Variants in CSRNP3 observed in about 807,000 individuals in gnomAD.
CSRNP3 encodes the protein cysteine/serine-rich nuclear protein 3.
Under a neutral mutation model 48.0 loss-of-function variants are expected in CSRNP3, and 12 were observed. The ratio of observed to expected loss-of-function variants is 0.25; its 90% CI spans 0.16 to 0.41. CSRNP3 has a LOEUF of 0.41. CSRNP3 is among the 10% of genes least tolerant of loss of function. The pLI is 1.00. For synonymous variants in CSRNP3, 263 were observed against 269.7 expected, an observed-to-expected ratio of 0.98 and a Z score of 0.24; for missense variants, 580 against 724.4, an observed-to-expected ratio of 0.80 and a Z score of 2.29.
intron 4 of CSRNP3, among the ~76,000 whole-genome samples, chr2:165,639,590 A>G (rs1266423205): frequency 6.6e-6 from 1 of 152,192 alleles, no homozygotes; most frequent in African/African-American, 2.4e-5. Flanking sequence ...TGAAATATAC[A>G]CAGGAGTTGC....
At chr2:165,637,395 T>C (rs1006375177) in intron 4 of CSRNP3, among the ~76,000 whole-genome samples, 2 of 152,226 alleles carry the variant, frequency 1.3e-5, no homozygotes, top group Admixed American at 6.5e-5. Flanking sequence ...AACAGATTAA[T>C]TGTATACCTG....
chr2:165,665,775 AAGAGAGAGAG>A (rs10645178), intron 5 of CSRNP3, among the ~76,000 whole-genome samples: 8 of 131,196 alleles, frequency 6.1e-5, no homozygotes, highest in Non-Finnish European at 1.3e-4. Flanking sequence ...AAAAGAAAGA[AAGAGAGAGAG>A]AGAGAGAGAG....
intron 6 of CSRNP3, among the ~76,000 whole-genome samples, chr2:165,677,324 T>C (rs1490815972): frequency 6.6e-6 from 1 of 152,186 alleles, no homozygotes; most frequent in Admixed American, 6.5e-5. Flanking sequence ...ACAGAGCCCA[T>C]ATGGCCCACA....
intron 3 of CSRNP3, among the ~76,000 whole-genome samples, chr2:165,538,970 T>C (rs1050717463): frequency 2.6e-5 from 4 of 151,954 alleles, no homozygotes; most frequent in Non-Finnish European, 4.4e-5. Context: ...GGAAAAGAAA[T>C]ACTCCTAACG....
intron 4 of CSRNP3, among the ~76,000 whole-genome samples, chr2:165,645,170 C>A (rs1199308664): frequency 1.3e-5 from 2 of 152,022 alleles, no homozygotes; most frequent in African/African-American, 4.8e-5. Flanking sequence ...CCCGTCAATA[C>A]TAAAAATATA....
intron 4 of CSRNP3, among the ~76,000 whole-genome samples, chr2:165,612,522 C>A (rs1686155774): frequency 6.6e-6 from 1 of 151,904 alleles, no homozygotes; most frequent in Non-Finnish European, 1.5e-5. Flanking sequence ...GAATTTATTT[C>A]TCCCATCTAG....
At chr2:165,634,420 G>T (rs975434099) in intron 4 of CSRNP3, among the ~76,000 whole-genome samples, 1 of 152,184 alleles carries the variant, frequency 6.6e-6, no homozygotes, top group Non-Finnish European at 1.5e-5. Context: ...TGTTCTGTCT[G>T]CCAGGAAATA....
At chr2:165,585,524 T>A (rs1685613591) in intron 3 of CSRNP3, among the ~76,000 whole-genome samples, 1 of 152,146 alleles carries the variant, frequency 6.6e-6, no homozygotes, top group Non-Finnish European at 1.5e-5. Context: ...AAGAAAAGCT[T>A]TTCCTATGCA....
chr2:165,637,954 GCC>G (rs1686659705), intron 4 of CSRNP3, among the ~76,000 whole-genome samples: 1 of 151,802 alleles, frequency 6.6e-6, no homozygotes, highest in Non-Finnish European at 1.5e-5. Context: ...CTTTTTTAAT[GCC>G]CCTTTTTCAC....
At chr2:165,544,429 A>G (rs973642517) in intron 3 of CSRNP3, among the ~76,000 whole-genome samples, 1 of 152,106 alleles carries the variant, frequency 6.6e-6, no homozygotes, top group Non-Finnish European at 1.5e-5. Flanking sequence ...CTCTGATTAA[A>G]AGGGAGAACC....
At chr2:165,580,150 G>T (rs1385899411) in intron 3 of CSRNP3, among the ~76,000 whole-genome samples, 1 of 151,868 alleles carries the variant, frequency 6.6e-6, no homozygotes, top group South Asian at 2.1e-4. Flanking sequence ...GGATGGTCTC[G>T]ATCTCCTGAC....
Position 165,689,048 on chromosome 2 carries a change from A to G in CSRNP3, c.*9295A>G, listed in dbSNP as rs1448505535. ...TCATGTTGTATGTCACACAGTTTCT[A>G]GATTGATTTCTCTTGTGTATAAGTT... is the stretch of plus-strand genomic sequence containing the variant. On this transcript the variant is annotated 3_prime_UTR_variant, in exon 7 of 7. Transcript: ENST00000651982. The G allele has an allele frequency of 6.6e-6, 1 of 152,132 alleles. No individual in the cohort carries two copies. Among genetic ancestry groups the G allele is most frequent in the African/African-American group, 2.4e-5 (1 of 41,450 alleles). 9.4% of individuals were successfully genotyped at this position (152,132 alleles called of 1,614,324 possible).
At position 165,616,443 on chromosome 2, in the gene CSRNP3, G is replaced by A. The variant is rs73029878; in HGVS notation, c.148+21230G>A. ...TGTTAGACTTCCTGAAGCATTTCCC[G>A]TAGGACCAGACTAATGGCAATTAAT... On this transcript the variant is annotated intron_variant, in intron 4 of 6. Transcript: ENST00000651982. Among the ~76,000 whole-genome samples, 536 of 152,164 alleles carry A rather than the reference G, an allele frequency of 3.5e-3. 5 individuals carry two copies. Among genetic ancestry groups the A allele is most frequent in the African/African-American group, 0.012 (486 of 41,500 alleles).
intron 5 of CSRNP3, among the ~76,000 whole-genome samples, chr2:165,667,028 GAGGA>G (rs1469429052): frequency 0.067 from 2,379 of 35,376 alleles, 680 homozygotes; most frequent in South Asian, 0.12. Context: ...GAAAGAGAGA[GAGGA>G]AGAAAGAAAG....
intron 3 of CSRNP3, among the ~76,000 whole-genome samples, chr2:165,534,073 A>G (rs1189770941): frequency 6.6e-6 from 1 of 152,110 alleles, no homozygotes; most frequent in Admixed American, 6.6e-5. Flanking sequence ...AATAAGATGT[A>G]TCCAGTGAAA....
chr2:165,643,882 A>AT (rs886449572), intron 4 of CSRNP3, among the ~76,000 whole-genome samples: 34 of 152,116 alleles, frequency 2.2e-4, no homozygotes, highest in Non-Finnish European at 1.8e-4. Flanking sequence ...AAGCAATATG[A>AT]TTTTTTTATA....
At position 165,642,474 on chromosome 2, in the gene CSRNP3, TA is replaced by T. The variant is rs144724842; in HGVS notation, c.149-15286del. Reference sequence around the variant, plus strand: ...GCTATGATATATTTACTTGTGAGATTATTTTTTTGCAAGAATTGCAATGTCT... The same window carrying T: ...GCTATGATATATTTACTTGTGAGATTTTTTTTTGCAAGAATTGCAATGTCT... On this transcript the variant is annotated intron_variant, in intron 4 of 6. Coordinates refer to ENST00000651982, the MANE Select transcript of CSRNP3 (RefSeq NM_001172173.2). Among the ~76,000 whole-genome samples, 713 of 152,360 alleles carry T rather than the reference TA, an allele frequency of 4.7e-3. 39 individuals are homozygous for T. The East Asian group carries it at 0.1, about 22-fold the overall frequency.
chr2:165,472,350 G>A (rs1263405007), intron 1 of CSRNP3, among the ~76,000 whole-genome samples: 4 of 151,702 alleles, frequency 2.6e-5, no homozygotes, highest in Non-Finnish European at 5.9e-5. Flanking sequence ...CAACCTAAAA[G>A]CTATTTGTGT....
intron 1 of CSRNP3, among the ~76,000 whole-genome samples, chr2:165,489,224 A>C (rs1216514294): frequency 6.6e-6 from 1 of 151,700 alleles, no homozygotes; most frequent in East Asian, 1.9e-4. Flanking sequence ...CTCAACACAT[A>C]CACCCTCCCA....
Sources: allele counts gnomAD v4.1 joint callset (sites outside exome capture counted in the v4.1 genomes callset), GRCh38; gene constraint gnomAD v4.1.1; transcripts MANE v1.5; gene names NCBI Gene and HGNC (gene_info 2026-07-23, HGNC 2026-07-21).